The following CACNA1I variants were observed in gnomAD, a reference collection of about 807,000 sequenced individuals.
The protein encoded by CACNA1I is voltage-dependent T-type calcium channel subunit alpha-1I.
In CACNA1I, 74 loss-of-function variants were observed where a neutral mutation model predicts 201.6. The observed-to-expected ratio is 0.37, with a 90% CI of 0.30 to 0.45. The LOEUF (loss-of-function observed/expected upper bound fraction) is 0.45, where lower values mean the gene tolerates loss of function less well. CACNA1I is among the 20% of genes least tolerant of loss of function. CACNA1I has a pLI of 1.00. For missense variants in CACNA1I, 2,346 were observed against 3,138.1 expected, an observed-to-expected ratio of 0.75 and a Z score of 6.03; for synonymous variants, 1,431 against 1,345.2, an observed-to-expected ratio of 1.06 and a Z score of -1.40.
In CACNA1I at chr22:39,678,037, G is replaced by A. The variant is rs779864016; in HGVS notation, c.4984G>A (p.Glu1662Lys). ...GGGCATGAGCCGGCATGCCACCTTC[G>A]AGAACTTCGGCATGGCCTTCCTCAC... ...CEGMSRHATF[E>K]NFGMAFLTLF... The change falls in exon 31 of 37, where the codon GAG becomes AAG. Residue 1662 changes from glutamate (E) to lysine (K), a missense_variant. Glu to Lys is a moderately conservative substitution (Grantham distance 56, BLOSUM62 1). Coordinates refer to ENST00000402142, the MANE Select transcript of CACNA1I (RefSeq NM_021096.4). 76 of 1,605,244 alleles carry A rather than the reference G, an allele frequency of 4.7e-5. No individual in the cohort carries two copies. The highest frequency in any genetic ancestry group is 5.1e-5 in the Non-Finnish European group (60 of 1,176,150).
chr22:39,658,400 G>T (rs1934894121), intron 11 of CACNA1I, 97 bp downstream of exon 11: 2 of 1,135,296 alleles, frequency 1.8e-6, no homozygotes, highest in South Asian at 2.9e-5. Context: ...GATGGCTGTG[G>T]AAACCCGTTG....
At position 39,577,385 on chromosome 22, in the gene CACNA1I, G is replaced by A. The variant is rs1210840548; in HGVS notation, c.236+6397G>A. On this transcript the variant is annotated intron_variant, in intron 1 of 36. Transcript: ENST00000402142. ...TCTGGTTCTGCCCATGCACCTGGTG[G>A]AGACCCCTGCCTCTCGCATCCACTG... 2.0e-5 allele frequency among the ~76,000 whole-genome samples: 3 copies of A among 152,334 alleles called. No homozygotes were observed. In the East Asian group the frequency reaches 5.8e-4, roughly 29 times the overall value.
chr22:39,651,511 A>G (rs941888802), intron 10 of CACNA1I, among the ~76,000 whole-genome samples: 4 of 152,160 alleles, frequency 2.6e-5, no homozygotes, highest in Non-Finnish European at 4.4e-5. Flanking sequence ...CAGGGCCCCC[A>G]GGACCCCCTT....
At chr22:39,616,146 G>A (rs144121359) in intron 3 of CACNA1I, among the ~76,000 whole-genome samples, 89 of 152,320 alleles carry the variant, frequency 5.8e-4, no homozygotes, top group Middle Eastern at 3.4e-3. Flanking sequence ...GGGCCAATGT[G>A]TTGCTCCAGG....
At chr22:39,682,385 G>T (rs1030120360) in intron 34 of CACNA1I, 111 bp from the exon 35 acceptor site, 1 of 858,584 alleles carries the variant, frequency 1.2e-6, no homozygotes. Flanking sequence ...GGTCAGACTA[G>T]ACATGAGGGT....
At position 39,629,987 on chromosome 22, in the gene CACNA1I, T is replaced by C. The variant is rs1030392435; in HGVS notation, c.581-4578T>C. Among the ~76,000 whole-genome samples the C allele has an allele frequency of 1.3e-5, 2 of 152,158 alleles. No individual in the cohort carries two copies. The highest frequency in any genetic ancestry group is 4.8e-5 in the African/African-American group (2 of 41,422). ...CTCAAGTCTTCCAGCCCCCTGGCCCTGTCTCCTCCCCAGCCTCATCCCTGC... is the reference window on the plus strand; with the variant it reads ...CTCAAGTCTTCCAGCCCCCTGGCCCCGTCTCCTCCCCAGCCTCATCCCTGC... On this transcript the variant is annotated intron_variant, in intron 4 of 36. Coordinates refer to ENST00000402142, the MANE Select transcript of CACNA1I (RefSeq NM_021096.4). This position sits in a 1 kb window ranked among gnomAD's most constrained non-coding sequence, Gnocchi z 4.8.
intron 3 of CACNA1I, among the ~76,000 whole-genome samples, chr22:39,602,976 A>T (rs1933111176): frequency 6.6e-6 from 1 of 151,846 alleles, no homozygotes. Flanking sequence ...ACATAGTGAG[A>T]CCCCATCTCT....
At chr22:39,678,430 T>C (rs1207084964) in intron 31 of CACNA1I, among the ~76,000 whole-genome samples, 1 of 152,164 alleles carries the variant, frequency 6.6e-6, no homozygotes, top group Non-Finnish European at 1.5e-5. Flanking sequence ...CCCCTAGTGA[T>C]TTCCACGCTG....
At chr22:39,662,631 G>A in intron 17 of CACNA1I, 145 bp from the exon 18 acceptor site, 2 of 713,026 alleles carry the variant, frequency 2.8e-6, no homozygotes, top group South Asian at 1.7e-5. Context: ...GCCGGCTCCT[G>A]GGAGAGAAGC....
intron 4 of CACNA1I, among the ~76,000 whole-genome samples, chr22:39,632,574 C>CTG (rs1453922046): frequency 1.4e-5 from 2 of 143,252 alleles, no homozygotes; most frequent in African/African-American, 2.5e-5. Context: ...GCTGTGAGCT[C>CTG]TGTGTGTGTG....
Position 39,662,495 on chromosome 22 carries a change from G to C in CACNA1I, c.3372+60G>C, listed in dbSNP as rs1046408409. The C allele has an allele frequency of 4.8e-6, 6 of 1,243,158 alleles. No homozygotes were observed. In the Admixed American group the frequency reaches 9.5e-5, roughly 20 times the overall value. 77.0% of individuals were successfully genotyped at this position (1,243,158 alleles called of 1,614,324 possible). ...GGTGGGATAGGACAGAAGTGGGTGC[G>C]GCCCCAGGAGGCGGGGCCCGAGCGG... On this transcript the variant is annotated intron_variant, in intron 17 of 36. Coordinates refer to ENST00000402142, the MANE Select transcript of CACNA1I (RefSeq NM_021096.4).
intron 4 of CACNA1I, among the ~76,000 whole-genome samples, chr22:39,627,294 G>A (rs1933926077): frequency 1.3e-5 from 2 of 152,240 alleles, no homozygotes; most frequent in South Asian, 2.1e-4. Context: ...CTGTTGGGGT[G>A]CACAGGTCTC....
At chr22:39,576,944 G>GCTT (rs151322871) in intron 1 of CACNA1I, among the ~76,000 whole-genome samples, 1 of 151,826 alleles carries the variant, frequency 6.6e-6, no homozygotes, top group African/African-American at 2.4e-5. Context: ...GGATGTCTGT[G>GCTT]CTTCTTCTTC....
Position 39,664,101 on chromosome 22 carries a change from T to C in CACNA1I, c.3608T>C (p.Phe1203Ser). ...QIEAGSTERI[F>S]LTVSNYIFTA... is the part of the protein sequence containing the mutation. ...TCCCGATGCTTTCAGGAACGCATCT[T>C]TCTCACCGTGTCCAACTACATCTTC... The change falls in exon 20 of 37, where the codon TTT becomes TCT. Residue 1203 changes from phenylalanine to serine, a missense_variant. Transcript: ENST00000402142. The C allele has an allele frequency of 6.2e-7, 1 of 1,613,684 alleles. No individual in the cohort carries two copies. Among genetic ancestry groups the C allele is most frequent in the African/African-American group, 1.3e-5 (1 of 75,044 alleles).
At chr22:39,575,821 A>G (rs1209646378) in intron 1 of CACNA1I, among the ~76,000 whole-genome samples, 1 of 149,850 alleles carries the variant, frequency 6.7e-6, no homozygotes, top group African/African-American at 2.5e-5. Flanking sequence ...GTCACCCAGG[A>G]TGGAGTGCAA....
In CACNA1I at chr22:39,646,649, G is replaced by A. The variant is rs961273324; in HGVS notation, c.1230G>A (p.Arg410=). 1.9e-6 allele frequency: 3 copies of A among 1,575,750 alleles called. No homozygotes were observed. Among genetic ancestry groups the A allele is most frequent in the East Asian group, 2.3e-5 (1 of 42,566 alleles). The part of the protein sequence containing the change: ...QFSETKQREH[R]LMLEQRQRYL... ...CGGAGACCAAGCAACGGGAGCACCG[G>A]CTGATGCTGGAGCAGCGGCAGCGCT... is the stretch of plus-strand genomic sequence containing the variant. Residue 410 remains arginine (R), a synonymous_variant, in exon 8 of 37, where the codon CGG becomes CGA. Transcript: ENST00000402142.
chr22:39,611,155 G>A (rs916229061), intron 3 of CACNA1I, among the ~76,000 whole-genome samples: 1 of 152,186 alleles, frequency 6.6e-6, no homozygotes, highest in African/African-American at 2.4e-5. Context: ...AAACCAAGCC[G>A]TTTAGGTGGC....
chr22:39,628,025 C>CA (rs1933947853), intron 4 of CACNA1I, among the ~76,000 whole-genome samples: 1 of 152,114 alleles, frequency 6.6e-6, no homozygotes, highest in African/African-American at 2.4e-5. Flanking sequence ...CTGGACCCTG[C>CA]AGGGAGAAGT....
Position 39,659,152 on chromosome 22 carries a change from C to A in CACNA1I, c.2330+36C>A. 1 of 1,604,238 alleles carries A rather than the reference C, an allele frequency of 6.2e-7. No individual in the cohort carries two copies. On this transcript the variant is annotated intron_variant, in intron 12 of 36. Transcript: ENST00000402142. This position sits in a 1 kb window ranked among gnomAD's most constrained non-coding sequence, Gnocchi z 4.3. ...CCTGCTGGGGGCCATACCTCAGCAC[C>A]TGCTGGGGCTGTGGGCGGGAGCCTG...
Sources: allele counts gnomAD v4.1 joint callset (sites outside exome capture counted in the v4.1 genomes callset), GRCh38; gene constraint gnomAD v4.1.1; non-coding constraint Gnocchi (gnomAD v3.1); transcripts MANE v1.5; gene names NCBI Gene and HGNC (gene_info 2026-07-23, HGNC 2026-07-21).